The following BIRC6 variants were observed in gnomAD, a reference collection of about 807,000 sequenced individuals.
BIRC6 encodes the protein baculoviral IAP repeat containing 6, also known as dual E2 ubiquitin-conjugating enzyme/E3 ubiquitin-protein ligase BIRC6.
In BIRC6, 98 loss-of-function variants were observed where a neutral mutation model predicts 503.3. The observed-to-expected ratio is 0.19, with a 90% CI of 0.17 to 0.23. BIRC6 has a LOEUF of 0.23. Among genes scored for constraint, BIRC6 ranks in the 10% least tolerant of loss-of-function variants. BIRC6 has a pLI of 1.00. For missense variants in BIRC6, 5,360 were observed against 5,806.0 expected (o/e 0.92, Z 2.50); for synonymous variants, 2,240 against 2,078.7 (o/e 1.08, Z -2.11).
chr2:32,474,980 C>T (rs968990236), intron 33 of BIRC6, among the ~76,000 whole-genome samples: 15 of 151,248 alleles, frequency 9.9e-5, no homozygotes, highest in African/African-American at 3.4e-4. Context: ...GAGGTTGAGG[C>T]GGGTGGATCA....
At chr2:32,365,376 A>G (rs936206325) in intron 1 of BIRC6, among the ~76,000 whole-genome samples, 12 of 151,008 alleles carry the variant, frequency 7.9e-5, no homozygotes, top group African/African-American at 2.4e-4. Flanking sequence ...CTGGAGTGCA[A>G]TGGCGCGATC....
chr2:32,397,574 CTGTGTGTGTGTGTG>C (rs147651911), intron 6 of BIRC6, among the ~76,000 whole-genome samples: 3 of 138,066 alleles, frequency 2.2e-5, no homozygotes, highest in East Asian at 2.1e-4. Context: ...CCCGTAAAGG[CTGTGTGTGTGTGTG>C]TGTGTGTGTG....
intron 8 of BIRC6, among the ~76,000 whole-genome samples, chr2:32,402,969 T>C (rs2040763922): frequency 6.6e-6 from 1 of 152,186 alleles, no homozygotes; most frequent in Non-Finnish European, 1.5e-5. Context: ...GTATTATTAG[T>C]GGAAATACTT....
chr2:32,452,202 G>A (rs1215282575), intron 22 of BIRC6, among the ~76,000 whole-genome samples: 4 of 152,052 alleles, frequency 2.6e-5, no homozygotes, highest in Non-Finnish European at 4.4e-5. Flanking sequence ...TTTATAACAC[G>A]TCGAATACGG....
At chr2:32,503,965 C>T (rs2053493693) in intron 49 of BIRC6, among the ~76,000 whole-genome samples, 2 of 139,800 alleles carry the variant, frequency 1.4e-5, no homozygotes, top group Admixed American at 1.6e-4. Context: ...AATTCTCATG[C>T]CTCAGCCTCC....
At chr2:32,452,311 T>G (rs1033204162) in intron 22 of BIRC6, among the ~76,000 whole-genome samples, 2 of 152,154 alleles carry the variant, frequency 1.3e-5, no homozygotes, top group Admixed American at 6.5e-5. Context: ...AATTATTTTT[T>G]TCTTCAGAAA....
intron 47 of BIRC6, 110 bp from the exon 48 acceptor site, chr2:32,502,685 T>G: frequency 4.1e-6 from 3 of 733,148 alleles, no homozygotes. Flanking sequence ...TTAGCGTATT[T>G]AAGGCTGTCA....
intron 65 of BIRC6, among the ~76,000 whole-genome samples, chr2:32,567,777 A>G (rs2059630786): frequency 6.6e-6 from 1 of 152,278 alleles, no homozygotes; most frequent in South Asian, 2.1e-4. Context: ...GATTAGATGG[A>G]TGTATACCAA....
intron 60 of BIRC6, among the ~76,000 whole-genome samples, chr2:32,530,593 C>T (rs1258170197): frequency 1.5e-5 from 2 of 133,680 alleles, no homozygotes; most frequent in Admixed American, 8.2e-5. Flanking sequence ...TATTTGTTCC[C>T]CAATCATCGA....
At chr2:32,407,135 A>G (rs1190616231) in intron 9 of BIRC6, among the ~76,000 whole-genome samples, 1 of 152,104 alleles carries the variant, frequency 6.6e-6, no homozygotes, top group Non-Finnish European at 1.5e-5. Flanking sequence ...GGTGGTATTA[A>G]AGTCTGTTAT....
In BIRC6 at chr2:32,431,638, A is replaced by G. The variant is rs115617833; in HGVS notation, c.3248+548A>G. On this transcript the variant is annotated intron_variant, in intron 12 of 73. Coordinates refer to ENST00000421745, the MANE Select transcript of BIRC6 (RefSeq NM_016252.4). ...TCATATTGCTTTTGGAAATTGTTAT[A>G]TTCTTATTCTTAATTTTAGGATAAA... 7.8e-3 allele frequency among the ~76,000 whole-genome samples: 1,192 copies of G among 152,344 alleles called. 8 individuals are homozygous for G. The highest frequency in any genetic ancestry group is 0.014 in the Middle Eastern group (4 of 294).
In BIRC6 at chr2:32,463,211, A is replaced by G. The variant is rs571369996; in HGVS notation, c.4771A>G (p.Thr1591Ala). ...TATGCCAGTGAGTTCCTTCGGGGTT[A>G]CTCCTGCAGTAGGTGGACTATCATC... Reference protein sequence around the residue: ...RDDAMSSFGVTPAVGGLSSGT... With the variant: ...RDDAMSSFGVAPAVGGLSSGT... Residue 1591 changes from threonine (T) to alanine (A), a missense_variant, in exon 24 of 74, where the codon ACT becomes GCT. Around this residue, in one of 16 missense-constraint regions of BIRC6, gnomAD observed 2,299 missense variants for 2,267.2 expected, o/e 1.01. Transcript: ENST00000421745. 9.9e-5 allele frequency: 160 copies of G among 1,610,632 alleles called. No individual in the cohort carries two copies. The South Asian group carries it at 1.6e-3, about 16-fold the overall frequency.
intron 23 of BIRC6, among the ~76,000 whole-genome samples, chr2:32,459,414 G>T (rs558443689): frequency 6.6e-6 from 1 of 151,616 alleles, no homozygotes; most frequent in Admixed American, 6.5e-5. Flanking sequence ...TTTGTTTTTT[G>T]TTTTTGTTTT....
chr2:32,485,884 A>G, intron 40 of BIRC6, 125 bp downstream of exon 40: 1 of 620,302 alleles, frequency 1.6e-6, no homozygotes. Flanking sequence ...CTTAGTATGT[A>G]GCACTTTCCT....
chr2:32,382,254 C>T (rs901928661), intron 3 of BIRC6, among the ~76,000 whole-genome samples: 7 of 152,088 alleles, frequency 4.6e-5, no homozygotes, highest in Non-Finnish European at 1.0e-4. Context: ...TGGACGAGGG[C>T]GTTGCAAAAC....
Position 32,491,515 on chromosome 2 carries a change from TTTCTGGCACCAG to T in BIRC6, c.8299_8310del (p.Ser2767_Ser2770del), listed in dbSNP as rs2051702731. The T allele has an allele frequency of 6.2e-7, 1 of 1,613,576 alleles. No individual in the cohort carries two copies. Among genetic ancestry groups the T allele is most frequent in the Non-Finnish European group, 8.5e-7 (1 of 1,179,720 alleles). On this transcript the variant is annotated inframe_deletion, in exon 44 of 74. Transcript: ENST00000421745. ...CTAATTCATGTATTAGTGAAATTTC[TTTCTGGCACCAG>T]TCCACATGGAACAAATCAACACAGT... is the stretch of plus-strand genomic sequence containing the variant.
chr2:32,546,437 G>A (rs999656417), intron 63 of BIRC6, among the ~76,000 whole-genome samples: 6 of 151,924 alleles, frequency 3.9e-5, no homozygotes, highest in Non-Finnish European at 7.4e-5. Context: ...AAAATTTGCC[G>A]GACATGGTGG....
intron 65 of BIRC6, chr2:32,563,336 CTG>C (rs1403274632): frequency 2.0e-5 from 3 of 152,060 alleles, no homozygotes; most frequent in African/African-American, 7.3e-5. Context: ...TCATTCAAAA[CTG>C]TGGATTCCAT....
intron 23 of BIRC6, among the ~76,000 whole-genome samples, chr2:32,461,731 T>C (rs2048015757): frequency 6.6e-6 from 1 of 152,190 alleles, no homozygotes; most frequent in Non-Finnish European, 1.5e-5. Context: ...TTTAAAAAGA[T>C]GGGCTGTTAG....
Sources: gnomAD v4.1 joint callset for allele counts (sites outside exome capture counted in the v4.1 genomes callset) on GRCh38, gnomAD v4.1.1 for gene constraint, gnomAD v4.1.1 regional missense constraint, MANE v1.5 for transcripts, NCBI Gene and HGNC (gene_info 2026-07-23, HGNC 2026-07-21) for gene names.